CEP63: variants seen among roughly 807,000 people sequenced by gnomAD.
The protein encoded by CEP63 is centrosomal protein of 63 kDa.
CEP63 carries 84 observed loss-of-function variants against 89.1 expected under a neutral mutation model. The observed-to-expected ratio is 0.94, with a 90% CI of 0.79 to 1.13. The LOEUF (loss-of-function observed/expected upper bound fraction) is 1.13. Among genes scored for constraint, CEP63 ranks in the 50% most tolerant of loss-of-function variants. The pLI is 0.00. For synonymous variants in CEP63, 267 were observed against 272.5 expected (o/e 0.98, Z 0.20); for missense variants, 838 against 813.3 (o/e 1.03, Z -0.37).
At chr3:134,689,442 T>TTTATTATTA in the CEP63 span, among the ~76,000 whole-genome samples, 987 of 96,468 alleles carry the variant, frequency 0.01, 2 homozygotes, top group Middle Eastern at 0.058. Context: ...AAGGACCTTA[T>TTTATTATTA]TTATTATTAT....
At chr3:134,692,143 G>A in the CEP63 span, among the ~76,000 whole-genome samples, 2,453 of 151,694 alleles carry the variant, frequency 0.016, 61 homozygotes, top group African/African-American at 0.055. Context: ...AAGTTCTAGG[G>A]TACATGTGCA....
Position 134,563,523 on chromosome 3 carries a change from A to C in CEP63, c.*1988A>C, listed in dbSNP as rs1957530499. On this transcript the variant is annotated 3_prime_UTR_variant, in exon 15 of 15. Transcript: ENST00000675561. ...CTGCAACCTCCACCTCCCGGGCTCA[A>C]GTGATTCTCCTGCCTTAGCTTCCCG... 1 of 152,178 alleles carries C rather than the reference A, an allele frequency of 6.6e-6. No homozygotes were observed. The highest frequency in any genetic ancestry group is 2.4e-5 in the African/African-American group (1 of 41,354). 9.4% of individuals were successfully genotyped at this position (152,178 alleles called of 1,614,324 possible).
intron 2 of CEP63, among the ~76,000 whole-genome samples, chr3:134,503,578 T>G (rs1942645260): frequency 6.6e-6 from 1 of 152,154 alleles, no homozygotes; most frequent in Non-Finnish European, 1.5e-5. Context: ...TCTGTCTAAA[T>G]CACTTGTCCA....
the CEP63 span, among the ~76,000 whole-genome samples, chr3:134,617,052 T>C: frequency 1.3e-5 from 2 of 152,176 alleles, no homozygotes; most frequent in Admixed American, 1.3e-4. Context: ...ACTTTGGCAC[T>C]CCTTCTAAAG....
At chr3:134,619,833 G>A in the CEP63 span, 32 of 153,406 alleles carry the variant, frequency 2.1e-4, no homozygotes, top group Admixed American at 2.6e-4. Context: ...GAGCAGTAAC[G>A]AAGTCCTATA....
At chr3:134,558,119 A>C (rs374981130) in intron 12 of CEP63, 23 bp from the exon 13 acceptor site, 2 of 1,571,360 alleles carry the variant, frequency 1.3e-6, no homozygotes, top group African/African-American at 1.4e-5. Flanking sequence ...AGATTAAGTG[A>C]CTCTAGTATT....
intron 9 of CEP63, 138 bp downstream of exon 9, chr3:134,547,610 A>ATTTCTTTTTTTTTTTTCTT: frequency 4.4e-6 from 1 of 226,812 alleles, no homozygotes; most frequent in East Asian, 1.1e-4. Flanking sequence ...CTAAGTTCTT[A>ATTTCTTTTTTTTTTTTCTT]TTTCTTTTTT....
downstream of CEP63, among the ~76,000 whole-genome samples, chr3:134,592,259 A>T (rs1328134799): frequency 6.6e-6 from 1 of 152,200 alleles, no homozygotes; most frequent in Non-Finnish European, 1.5e-5. Flanking sequence ...AGTGATCTGG[A>T]GAGAATAAGG....
the CEP63 span, among the ~76,000 whole-genome samples, chr3:134,727,750 A>G: frequency 6.6e-6 from 1 of 152,226 alleles, no homozygotes; most frequent in Non-Finnish European, 1.5e-5. Flanking sequence ...TCTGGGTGAA[A>G]CAGAAAATGT....
chr3:134,642,604 A>G, the CEP63 span, among the ~76,000 whole-genome samples: 3 of 152,106 alleles, frequency 2.0e-5, no homozygotes, highest in Non-Finnish European at 2.9e-5. Flanking sequence ...GAGGACTCCC[A>G]ATGAAGGTGC....
At chr3:134,748,396 A>G in the CEP63 span, among the ~76,000 whole-genome samples, 2 of 152,056 alleles carry the variant, frequency 1.3e-5, no homozygotes, top group African/African-American at 4.8e-5. Context: ...AACTCATTCT[A>G]CACATGATAA....
At chr3:134,629,626 G>A in the CEP63 span, 9 of 1,598,242 alleles carry the variant, frequency 5.6e-6, no homozygotes, top group Non-Finnish European at 7.7e-6. Context: ...CATACGTTTA[G>A]CCAAGGAGAA....
intron 3 of CEP63, among the ~76,000 whole-genome samples, chr3:134,514,227 G>T (rs1005597808): frequency 6.6e-6 from 1 of 152,162 alleles, no homozygotes; most frequent in Non-Finnish European, 1.5e-5. Context: ...AGGTCTTAAA[G>T]ATTAAGGGAT....
chr3:134,615,370 T>TC, the CEP63 span: 3 of 149,836 alleles, frequency 2.0e-5, no homozygotes, highest in Middle Eastern at 3.5e-3. Flanking sequence ...TTTTTTTTTT[T>TC]CACGTGTGAA....
intron 6 of CEP63, among the ~76,000 whole-genome samples, chr3:134,543,530 CT>C (rs1952505634): frequency 6.6e-6 from 1 of 152,216 alleles, no homozygotes; most frequent in Non-Finnish European, 1.5e-5. Context: ...TCTAGACTCA[CT>C]GGTTAAAGTA....
At chr3:134,524,288 G>C (rs889739999) in intron 3 of CEP63, among the ~76,000 whole-genome samples, 12 of 152,194 alleles carry the variant, frequency 7.9e-5, no homozygotes, top group African/African-American at 2.9e-4. Context: ...CTTTTGGGCT[G>C]AAACTATGGG....
the CEP63 span, among the ~76,000 whole-genome samples, chr3:134,760,750 T>C: frequency 2.0e-5 from 3 of 152,190 alleles, no homozygotes; most frequent in Non-Finnish European, 2.9e-5. Flanking sequence ...ATTCACGTGC[T>C]CTTGGCTGGA....
intron 3 of CEP63, among the ~76,000 whole-genome samples, chr3:134,522,229 A>T (rs1947615283): frequency 6.6e-6 from 1 of 152,180 alleles, no homozygotes; most frequent in Non-Finnish European, 1.5e-5. Context: ...GTGATGGATG[A>T]AAAGACTCAA....
chr3:134,561,600 T>C lies in CEP63; in HGVS notation c.*65T>C, dbSNP rs181941673. 1.3e-6 allele frequency: 2 copies of C among 1,556,302 alleles called. No homozygotes were observed. Among genetic ancestry groups the C allele is most frequent in the East Asian group, 2.4e-5 (1 of 41,504 alleles). On this transcript the variant is annotated 3_prime_UTR_variant, in exon 15 of 15. Transcript: ENST00000675561. ...ACCAAAGAGTTACTGTCATCTGAAG[T>C]AGCAGCTCTTTAAAAACATGAAGAG...
Sources: allele counts gnomAD v4.1 joint callset (sites outside exome capture counted in the v4.1 genomes callset), GRCh38; gene constraint gnomAD v4.1.1; transcripts MANE v1.5; gene names NCBI Gene and HGNC (gene_info 2026-07-23, HGNC 2026-07-21).